BTF3L4: variants seen among roughly 807,000 people sequenced by gnomAD.
The protein encoded by BTF3L4 is basic transcription factor 3 like 4, also known as transcription factor BTF3 homolog 4.
In BTF3L4, 6 loss-of-function variants were observed where a neutral mutation model predicts 16.8. The ratio of observed to expected loss-of-function variants is 0.36; its 90% confidence interval spans 0.20 to 0.71. The LOEUF is 0.71. Ranked by LOEUF, BTF3L4 falls within the 30% of genes least tolerant of loss-of-function variation. The pLI is 0.58. For missense variants in BTF3L4, 92 were observed against 186.9 expected, an observed-to-expected ratio of 0.49 and a Z score of 2.96; for synonymous variants, 39 against 59.8, an observed-to-expected ratio of 0.65 and a Z score of 1.60.
chr1:52,081,223 C>G (rs578208922), intron 3 of BTF3L4, among the ~76,000 whole-genome samples: 1 of 151,714 alleles, frequency 6.6e-6, no homozygotes, highest in Non-Finnish European at 1.5e-5. Context: ...CTGCAACCTC[C>G]GACTCCTGGG....
Position 52,087,066 on chromosome 1 carries a change from T to C in BTF3L4, c.*308T>C, listed in dbSNP as rs1325650676. 3.2e-5 allele frequency: 8 copies of C among 251,252 alleles called. No homozygotes were observed. The highest frequency in any genetic ancestry group is 6.1e-5 in the Non-Finnish European group (8 of 132,058). 15.6% of individuals were successfully genotyped at this position (251,252 alleles called of 1,614,324 possible). A position where few individuals can be genotyped will look rare whatever the true frequency, so the allele number is the denominator to read the frequency against. On this transcript the variant is annotated 3_prime_UTR_variant, in exon 6 of 6. Coordinates refer to ENST00000313334, the MANE Select transcript of BTF3L4 (RefSeq NM_152265.5). ...GTGTATGTATGTTTATGTATGTGTGTGGGTATGTGTGTATACAGTGGAGAG... is the reference window on the plus strand; with the variant it reads ...GTGTATGTATGTTTATGTATGTGTGCGGGTATGTGTGTATACAGTGGAGAG...
At chr1:52,073,640 G>T (rs1241200788) in intron 3 of BTF3L4, among the ~76,000 whole-genome samples, 1 of 135,396 alleles carries the variant, frequency 7.4e-6, no homozygotes, top group Non-Finnish European at 1.5e-5. Context: ...ATTGCTTGAG[G>T]CCAGGAGTTT....
intron 3 of BTF3L4, among the ~76,000 whole-genome samples, chr1:52,069,167 G>A (rs1034029879): frequency 2.0e-5 from 3 of 152,150 alleles, no homozygotes; most frequent in East Asian, 3.9e-4. Flanking sequence ...CAGGGAAAAC[G>A]TACAAAGTAA....
In BTF3L4 at chr1:52,059,824, TC is replaced by T. The variant is rs754059104; in HGVS notation, c.-13-4del. Reference sequence around the variant, plus strand: ...AGAGTGACTTTAACAAATCTATTTTTCCCCCCCTAGATTTACCAACAGCATG... The same window carrying T: ...AGAGTGACTTTAACAAATCTATTTTTCCCCCCTAGATTTACCAACAGCATG... On this transcript the variant is annotated splice_polypyrimidine_tract_variant and intron_variant, in intron 1 of 5. Transcript: ENST00000313334. The T allele has an allele frequency of 6.6e-5, 107 of 1,611,396 alleles. No homozygotes were observed. The East Asian group carries it at 1.1e-3, about 16-fold the overall frequency.
intron 3 of BTF3L4, among the ~76,000 whole-genome samples, chr1:52,081,260 G>A (rs1295553445): frequency 6.6e-6 from 1 of 151,284 alleles, no homozygotes; most frequent in African/African-American, 2.4e-5. Flanking sequence ...CTCAGCCTCC[G>A]AGTAGCTGGG....
chr1:52,082,726 G>A (rs991148270), intron 3 of BTF3L4, among the ~76,000 whole-genome samples: 1 of 120,786 alleles, frequency 8.3e-6, no homozygotes, highest in Non-Finnish European at 1.8e-5. Context: ...ATGACACAGC[G>A]AGATTCTGTC....
intron 3 of BTF3L4, among the ~76,000 whole-genome samples, chr1:52,075,583 TTA>T (rs1686911189): frequency 6.8e-6 from 1 of 147,210 alleles, no homozygotes; most frequent in Admixed American, 6.8e-5. Flanking sequence ...AAAATATATA[TTA>T]TATATAAATT....
chr1:52,059,706 G>T (rs1392519316), intron 1 of BTF3L4, 129 bp from the exon 2 acceptor site: 2 of 559,448 alleles, frequency 3.6e-6, no homozygotes, highest in Admixed American at 3.4e-5. Flanking sequence ...TAAGAATATA[G>T]ACAGTATTAA....
intron 3 of BTF3L4, among the ~76,000 whole-genome samples, chr1:52,075,943 G>A (rs1572028721): frequency 6.6e-6 from 1 of 152,178 alleles, no homozygotes; most frequent in African/African-American, 2.4e-5. Flanking sequence ...GGGATTACAG[G>A]AGTGAGCCAC....
intron 5 of BTF3L4, 23 bp downstream of exon 5, chr1:52,086,194 T>G: frequency 6.4e-7 from 1 of 1,574,012 alleles, no homozygotes. Flanking sequence ...TCCTTAGACT[T>G]AAGATTTTAA....
In BTF3L4 at chr1:52,090,498, C is replaced by G. The variant is rs1289860577; in HGVS notation, c.*3740C>G. 2 of 152,200 alleles carry G rather than the reference C, an allele frequency of 1.3e-5. No individual in the cohort carries two copies. The highest frequency in any genetic ancestry group is 4.8e-5 in the African/African-American group (2 of 41,438). 9.4% of individuals were successfully genotyped at this position (152,200 alleles called of 1,614,324 possible). ...TTAATAGTTTTGTTTATGATCCACT[C>G]TCTCCAGCCCATTACACAGGAGCCA... On this transcript the variant is annotated 3_prime_UTR_variant, in exon 6 of 6. Transcript: ENST00000313334.
intron 5 of BTF3L4, 87 bp downstream of exon 5, chr1:52,086,258 T>A: frequency 2.0e-6 from 2 of 1,009,544 alleles, no homozygotes; most frequent in Non-Finnish European, 3.0e-6. Context: ...AGGTTTGTGT[T>A]GATTGTAAGC....
intron 4 of BTF3L4, 25 bp from the exon 5 acceptor site, chr1:52,086,087 T>G: frequency 1.3e-6 from 2 of 1,528,704 alleles, no homozygotes; most frequent in Non-Finnish European, 1.8e-6. Context: ...TCTCAATGAC[T>G]AATATTAAAA....
intron 3 of BTF3L4, 152 bp downstream of exon 3, chr1:52,065,090 A>G: frequency 2.4e-6 from 1 of 424,428 alleles, no homozygotes. Flanking sequence ...TTTGTATGAA[A>G]TTAAATGATG....
chr1:52,073,607 CTT>C (rs1257061162), intron 3 of BTF3L4, among the ~76,000 whole-genome samples: 2 of 142,448 alleles, frequency 1.4e-5, no homozygotes, highest in Non-Finnish European at 3.0e-5. Flanking sequence ...AATTCCAACA[CTT>C]TGAGAGGCTG....
In BTF3L4 at chr1:52,076,526, G is replaced by A. The variant is rs187993073; in HGVS notation, c.169-6814G>A. The stretch of plus-strand genomic sequence containing the variant: ...CGTGAGGCGGAGGTCGCAGTGAGCC[G>A]GAGGTTGCAGTGAGCCGAGATCGCA... On this transcript the variant is annotated intron_variant, in intron 3 of 5. Transcript: ENST00000313334. Among the ~76,000 whole-genome samples, 143 of 150,852 alleles carry A rather than the reference G, an allele frequency of 9.5e-4. 2 individuals are homozygous for A. The Middle Eastern group carries it at 0.027, about 29-fold the overall frequency.
intron 4 of BTF3L4, among the ~76,000 whole-genome samples, chr1:52,085,519 T>C (rs1255871038): frequency 6.6e-6 from 1 of 152,132 alleles, no homozygotes; most frequent in Admixed American, 6.6e-5. Flanking sequence ...TAAAGTCTTT[T>C]TACTCAGTGA....
chr1:52,080,836 C>CTTTTTT (rs34697464), intron 3 of BTF3L4, among the ~76,000 whole-genome samples: 2 of 83,588 alleles, frequency 2.4e-5, no homozygotes, highest in African/African-American at 4.5e-5. Context: ...GCTCGGCCTT[C>CTTTTTT]TTTTTTTTTT....
At chr1:52,063,426 T>A (rs1221169986) in intron 2 of BTF3L4, among the ~76,000 whole-genome samples, 1 of 152,110 alleles carries the variant, frequency 6.6e-6, no homozygotes, top group Non-Finnish European at 1.5e-5. Flanking sequence ...GCAACTAGAT[T>A]TCAAGGCATC....
Sources: gnomAD v4.1 joint callset for allele counts (sites outside exome capture counted in the v4.1 genomes callset) on GRCh38, gnomAD v4.1.1 for gene constraint, MANE v1.5 for transcripts, NCBI Gene and HGNC (gene_info 2026-07-23, HGNC 2026-07-21) for gene names.